Variants in B3GAT2 observed in about 807,000 individuals in gnomAD.
The protein encoded by B3GAT2 is beta-1,3-glucuronyltransferase 2.
B3GAT2 carries 26 observed loss-of-function variants against 27.8 expected under a neutral mutation model. The ratio of observed to expected loss-of-function variants is 0.93; its 90% CI spans 0.68 to 1.30. The LOEUF (loss-of-function observed/expected upper bound fraction) is 1.30, where lower values mean the gene tolerates loss of function less well. Among genes scored for constraint, B3GAT2 ranks in the 50% most tolerant of loss-of-function variants. B3GAT2 has a pLI of 0.00. For missense variants in B3GAT2, 458 were observed against 459.0 expected (o/e 1.00, Z 0.02); for synonymous variants, 218 against 195.1 (o/e 1.12, Z -0.98).
chr6:70,911,127 C>T (rs774141863), intron 1 of B3GAT2, among the ~76,000 whole-genome samples: 2 of 152,092 alleles, frequency 1.3e-5, no homozygotes, highest in Non-Finnish European at 2.9e-5. Context: ...TGTCTGTTTA[C>T]TCTCTTGATA....
intron 1 of B3GAT2, among the ~76,000 whole-genome samples, chr6:70,913,158 A>AT (rs2150039256): frequency 6.6e-6 from 1 of 151,880 alleles, no homozygotes; most frequent in South Asian, 2.1e-4. Flanking sequence ...TCCTGTCTCA[A>AT]TTTCATTCAG....
chr6:70,887,675 T>G (rs1163500821), intron 2 of B3GAT2, among the ~76,000 whole-genome samples: 1 of 152,068 alleles, frequency 6.6e-6, no homozygotes, highest in African/African-American at 2.4e-5. Flanking sequence ...TGTGACAAGG[T>G]GCAGAGGTAT....
At chr6:70,928,329 A>G (rs1772998403) in intron 1 of B3GAT2, among the ~76,000 whole-genome samples, 1 of 152,082 alleles carries the variant, frequency 6.6e-6, no homozygotes, top group African/African-American at 2.4e-5. Flanking sequence ...AGAAATAACT[A>G]AGATCAGACC....
chr6:70,921,686 A>C (rs1333905707), intron 1 of B3GAT2, among the ~76,000 whole-genome samples: 4 of 152,166 alleles, frequency 2.6e-5, no homozygotes, highest in Admixed American at 6.5e-5. Context: ...GAATTGCCAG[A>C]GTTCTTGCAT....
chr6:70,947,987 T>C (rs922438882), intron 1 of B3GAT2, among the ~76,000 whole-genome samples: 47 of 152,066 alleles, frequency 3.1e-4, no homozygotes, highest in Non-Finnish European at 3.5e-4. Context: ...AACCACATGA[T>C]TATCTTAATA....
At chr6:70,918,105 AT>A (rs1249005333) in intron 1 of B3GAT2, among the ~76,000 whole-genome samples, 1 of 152,114 alleles carries the variant, frequency 6.6e-6, no homozygotes, top group African/African-American at 2.4e-5. Flanking sequence ...GTGCATATAT[AT>A]TTAGGATAGT....
chr6:70,925,245 CAG>C (rs1046841308), intron 1 of B3GAT2, among the ~76,000 whole-genome samples: 1 of 152,232 alleles, frequency 6.6e-6, no homozygotes, highest in African/African-American at 2.4e-5. Flanking sequence ...ACGCAGAAGA[CAG>C]GAGATTTCTG....
intron 1 of B3GAT2, among the ~76,000 whole-genome samples, chr6:70,933,248 T>C (rs1389840681): frequency 6.6e-6 from 1 of 152,160 alleles, no homozygotes; most frequent in East Asian, 1.9e-4. Context: ...CCTACCCTCT[T>C]AACCTTTTTG....
Position 70,859,258 on chromosome 6 carries a change from T to C in B3GAT2, c.*2405A>G. On this transcript the variant is annotated 3_prime_UTR_variant, in exon 4 of 4. Coordinates refer to ENST00000230053, the MANE Select transcript of B3GAT2 (RefSeq NM_080742.3). ...AGTGTCAGTCACATGGTCAACATGCTGAAGCACACCCAGCTCAGGTTAAGG... is the reference window on the plus strand; with the variant it reads ...AGTGTCAGTCACATGGTCAACATGCCGAAGCACACCCAGCTCAGGTTAAGG... The C allele has an allele frequency of 9.0e-7, 1 of 1,110,822 alleles. No homozygotes were observed. Among genetic ancestry groups the C allele is most frequent in the Non-Finnish European group, 1.3e-6 (1 of 781,854 alleles). 68.8% of individuals were successfully genotyped at this position (1,110,822 alleles called of 1,614,324 possible). A position where few individuals can be genotyped will look rare whatever the true frequency, so the allele number is the denominator to read the frequency against.
chr6:70,931,339 A>C (rs1773060152), intron 1 of B3GAT2, among the ~76,000 whole-genome samples: 1 of 152,208 alleles, frequency 6.6e-6, no homozygotes, highest in South Asian at 2.1e-4. Context: ...TAATAATAAA[A>C]AAAGAAAAAA....
intron 1 of B3GAT2, among the ~76,000 whole-genome samples, chr6:70,950,353 G>A (rs1255386385): frequency 6.6e-6 from 1 of 151,372 alleles, no homozygotes; most frequent in Non-Finnish European, 1.5e-5. Context: ...AGTAACAAAA[G>A]GTCAAAGGAG....
chr6:70,904,047 C>A (rs962422818), intron 1 of B3GAT2, among the ~76,000 whole-genome samples: 1 of 152,130 alleles, frequency 6.6e-6, no homozygotes, highest in African/African-American at 2.4e-5. Context: ...CAATGGACTG[C>A]TATTCAGTAA....
At chr6:70,870,173 A>G (rs1771910775) in intron 2 of B3GAT2, among the ~76,000 whole-genome samples, 1 of 152,072 alleles carries the variant, frequency 6.6e-6, no homozygotes. Context: ...TGGATTAAGA[A>G]AATGTGGCAC....
intron 1 of B3GAT2, among the ~76,000 whole-genome samples, chr6:70,937,892 G>A: frequency 6.6e-6 from 1 of 152,078 alleles, no homozygotes; most frequent in Non-Finnish European, 1.5e-5. Flanking sequence ...AGTGTTGGAA[G>A]TTCTGGCCAG....
intron 1 of B3GAT2, among the ~76,000 whole-genome samples, chr6:70,903,937 T>G (rs987366957): frequency 1.3e-5 from 2 of 152,270 alleles, no homozygotes; most frequent in South Asian, 2.1e-4. Flanking sequence ...TGTGCCTGAA[T>G]GTTCAAACAG....
intron 1 of B3GAT2, among the ~76,000 whole-genome samples, chr6:70,937,808 C>A (rs1320924161): frequency 3.3e-5 from 5 of 152,090 alleles, no homozygotes; most frequent in African/African-American, 1.2e-4. Context: ...ACTGAATGGG[C>A]AAAAACTGGA....
At chr6:70,862,859 C>G (rs1238972078) in intron 2 of B3GAT2, among the ~76,000 whole-genome samples, 1 of 152,062 alleles carries the variant, frequency 6.6e-6, no homozygotes, top group East Asian at 1.9e-4. Flanking sequence ...TGCCTGTAGT[C>G]CCAGCTACTT....
At chr6:70,894,780 A>T (rs1392815094) in intron 1 of B3GAT2, among the ~76,000 whole-genome samples, 1 of 152,208 alleles carries the variant, frequency 6.6e-6, no homozygotes, top group Non-Finnish European at 1.5e-5. Context: ...ACAGACCTGA[A>T]CCTGGCTTCT....
chr6:70,956,520 T>C lies in B3GAT2; in HGVS notation c.-91A>G. ...CTTGGACAGCGGCGGCGCCAGCACT[T>C]AGGGAGTGGTGATGGGTGCGCTGTC... On this transcript the variant is annotated 5_prime_UTR_variant, in exon 1 of 4. The change abolishes the stop of an existing upstream ORF in the 5' untranslated region. Coordinates refer to ENST00000230053, the MANE Select transcript of B3GAT2 (RefSeq NM_080742.3). The C allele has an allele frequency of 6.5e-7, 1 of 1,532,132 alleles. No individual in the cohort carries two copies. The highest frequency in any genetic ancestry group is 8.8e-7 in the Non-Finnish European group (1 of 1,139,930). 94.9% of individuals were successfully genotyped at this position (1,532,132 alleles called of 1,614,324 possible).
Sources: allele counts gnomAD v4.1 joint callset (sites outside exome capture counted in the v4.1 genomes callset), GRCh38; gene constraint gnomAD v4.1.1; transcripts MANE v1.5; gene names NCBI Gene and HGNC (gene_info 2026-07-23, HGNC 2026-07-21).